Variants in OGG1 observed in about 807,000 individuals in gnomAD.
OGG1 encodes 8-oxoguanine DNA glycosylase, also known as N-glycosylase/DNA lyase.
A neutral mutation model predicts 42.3 loss-of-function variants in OGG1; 35 were observed. The observed-to-expected ratio is 0.83, with a 90% CI of 0.63 to 1.10. The LOEUF (loss-of-function observed/expected upper bound fraction) is 1.10. Among genes scored for constraint, OGG1 ranks in the 50% least tolerant of loss-of-function variants. The pLI is 0.00. For missense variants in OGG1, 484 were observed against 446.7 expected (o/e 1.08, Z -0.75); for synonymous variants, 189 against 179.0 (o/e 1.06, Z -0.44).
At chr3:9,778,263 G>A (rs956587332) in intron 2 of OGG1, among the ~76,000 whole-genome samples, 1 of 152,180 alleles carries the variant, frequency 6.6e-6, no homozygotes, top group East Asian at 1.9e-4. Flanking sequence ...TTCTCTCTGA[G>A]AAGGCTGTGA....
intron 3 of OGG1, among the ~76,000 whole-genome samples, chr3:9,753,276 A>AGTG (rs2077386136): frequency 6.7e-6 from 1 of 149,902 alleles, no homozygotes; most frequent in Non-Finnish European, 1.5e-5. Context: ...CCTGGGAAGC[A>AGTG]GAGGTTGCAG....
chr3:9,775,690 A>G (rs2078355422), intron 2 of OGG1, among the ~76,000 whole-genome samples: 1 of 150,032 alleles, frequency 6.7e-6, no homozygotes, highest in African/African-American at 2.5e-5. Context: ...CCCAGGCTTG[A>G]GTGCAGTGGT....
intron 3 of OGG1, among the ~76,000 whole-genome samples, chr3:9,786,595 A>C (rs2078618538): frequency 6.6e-6 from 1 of 152,196 alleles, no homozygotes. Flanking sequence ...TCTGTAACAC[A>C]GCGTTAACCA....
chr3:9,756,114 C>G (rs809256), intron 4 of OGG1, among the ~76,000 whole-genome samples: 3 of 152,060 alleles, frequency 2.0e-5, no homozygotes, highest in Non-Finnish European at 2.9e-5. Context: ...GTCAGGAGTT[C>G]GAGACCAGGC....
intron 2 of OGG1, chr3:9,780,245 TGCC>T: frequency 8.5e-7 from 1 of 1,177,100 alleles, no homozygotes; most frequent in South Asian, 1.5e-5. Flanking sequence ...CTCTAGAGAC[TGCC>T]GCCATTTGAG....
chr3:9,753,418 C>T (rs1018823236), intron 3 of OGG1, among the ~76,000 whole-genome samples: 2 of 150,906 alleles, frequency 1.3e-5, no homozygotes, highest in African/African-American at 4.9e-5. Flanking sequence ...TTTGGGAGGC[C>T]GAGGCGGGTG....
downstream of OGG1, chr3:9,762,240 G>C (rs2077911720): frequency 6.5e-6 from 1 of 154,832 alleles, no homozygotes; most frequent in African/African-American, 2.4e-5. Flanking sequence ...GAGATGTACT[G>C]CTAAATGTGA....
At chr3:9,760,832 C>G, downstream of OGG1, 1 of 1,603,898 alleles carries the variant, frequency 6.2e-7, no homozygotes, top group Non-Finnish European at 8.5e-7. Context: ...GGGTGGAGCA[C>G]TGGGGCAGTC....
intron 1 of OGG1, 189 bp downstream of exon 1, chr3:9,750,612 C>T (rs1270351540): frequency 1.2e-6 from 1 of 805,478 alleles, no homozygotes; most frequent in Non-Finnish European, 2.0e-6. Flanking sequence ...AAGGATCCAG[C>T]GGTATAACCG....
downstream of OGG1, chr3:9,767,818 C>T (rs2078196974): frequency 6.3e-7 from 1 of 1,591,762 alleles, no homozygotes; most frequent in East Asian, 2.3e-5. Flanking sequence ...TCAGCAGAGC[C>T]CAGCCCTCTG....
At chr3:9,780,583 G>GC (rs779783726) in intron 2 of OGG1, 3 of 1,580,668 alleles carry the variant, frequency 1.9e-6, no homozygotes, top group Non-Finnish European at 2.6e-6. Context: ...GCCAGGGTCA[G>GC]CCCACCTCCA....
chr3:9,780,277 G>A, intron 2 of OGG1: 5 of 1,450,726 alleles, frequency 3.4e-6, no homozygotes, highest in Non-Finnish European at 4.7e-6. Context: ...ACAGGCCAAT[G>A]TTTCCTGTGC....
chr3:9,789,732 T>G, downstream of OGG1: 2 of 1,613,322 alleles, frequency 1.2e-6, no homozygotes, highest in Non-Finnish European at 1.7e-6. Flanking sequence ...GCATCATTTT[T>G]GGGGATCCGT....
At chr3:9,776,423 T>G (rs191882357) in intron 2 of OGG1, among the ~76,000 whole-genome samples, 169 of 144,856 alleles carry the variant, frequency 1.2e-3, no homozygotes, top group African/African-American at 4.2e-3. Context: ...GAAGTCTCGC[T>G]CTGTTACCCA....
At chr3:9,772,564 G>C (rs2078314840) in intron 2 of OGG1, among the ~76,000 whole-genome samples, 1 of 152,186 alleles carries the variant, frequency 6.6e-6, no homozygotes, top group African/African-American at 2.4e-5. Context: ...GAAACATGGA[G>C]TGAGGCAGCC....
downstream of OGG1, among the ~76,000 whole-genome samples, chr3:9,767,202 G>C (rs1007972303): frequency 1.3e-5 from 2 of 152,176 alleles, no homozygotes; most frequent in African/African-American, 4.8e-5. Flanking sequence ...AGCTCTCTCT[G>C]GGCTCCACAA....
At position 9,757,063 on chromosome 3, in the gene OGG1, G is replaced by A. The variant is rs199752390; in HGVS notation, c.951G>A (p.Val317=). Residue 317 remains valine, a splice_region_variant and synonymous_variant, in exon 7 of 7, where the codon GTG becomes GTA. Coordinates refer to ENST00000344629, the MANE Select transcript of OGG1 (RefSeq NM_002542.6). This position sits in a 1 kb window ranked among gnomAD's most constrained non-coding sequence, Gnocchi z 4.5. The part of the protein sequence containing the change: ...WGPYAGWAQA[V]LFSADLRQSR... ...ACACAGACTCCACCCTCCTACAGGT[G>A]CTGTTCAGTGCCGACCTGCGCCAAT... is the stretch of plus-strand genomic sequence containing the variant. 2.0e-5 allele frequency: 33 copies of A among 1,613,956 alleles called. No homozygotes were observed. The highest frequency in any genetic ancestry group is 1.6e-4 in the Middle Eastern group (1 of 6,084).
intron 2 of OGG1, among the ~76,000 whole-genome samples, chr3:9,774,661 T>C (rs2078343210): frequency 6.6e-6 from 1 of 152,168 alleles, no homozygotes; most frequent in African/African-American, 2.4e-5. Context: ...ACAGGACATT[T>C]TGTATCTCAC....
chr3:9,781,690 G>C (rs1310014735), intron 3 of OGG1: 3 of 429,950 alleles, frequency 7.0e-6, no homozygotes, highest in African/African-American at 4.0e-5. Context: ...TAGTGATTGA[G>C]TCCAGCCTGC....
Sources: gnomAD v4.1 joint callset for allele counts (sites outside exome capture counted in the v4.1 genomes callset) on GRCh38, gnomAD v4.1.1 for gene constraint, Gnocchi (gnomAD v3.1) non-coding constraint, MANE v1.5 for transcripts, NCBI Gene and HGNC (gene_info 2026-07-23, HGNC 2026-07-21) for gene names.